The following IMMP2L variants were observed in gnomAD, a reference collection of about 807,000 sequenced individuals.
The protein encoded by IMMP2L is mitochondrial inner membrane protease subunit 2.
In IMMP2L, 18 loss-of-function variants were observed where a neutral mutation model predicts 19.3. The observed-to-expected ratio is 0.93, with a 90% CI of 0.64 to 1.38. The LOEUF is 1.38. Among genes scored for constraint, IMMP2L ranks in the 40% most tolerant of loss-of-function variants. The pLI is 0.00. For missense variants in IMMP2L, 233 were observed against 218.2 expected (o/e 1.07, Z -0.43); for synonymous variants, 76 against 73.0 (o/e 1.04, Z -0.21).
chr7:111,427,890 T>A (rs1359126695), intron 3 of IMMP2L, among the ~76,000 whole-genome samples: 2 of 151,844 alleles, frequency 1.3e-5, no homozygotes, highest in African/African-American at 4.9e-5. Context: ...TCACTGACAT[T>A]TTCTTCCCAT....
At chr7:110,896,081 T>C (rs1389618521) in intron 4 of IMMP2L, among the ~76,000 whole-genome samples, 1 of 152,056 alleles carries the variant, frequency 6.6e-6, no homozygotes, top group African/African-American at 2.4e-5. Flanking sequence ...CTCAGCCTCC[T>C]GATTAGATGA....
At chr7:111,451,927 G>A (rs1236628862) in intron 3 of IMMP2L, among the ~76,000 whole-genome samples, 1 of 152,006 alleles carries the variant, frequency 6.6e-6, no homozygotes, top group Non-Finnish European at 1.5e-5. Context: ...AGATACACAG[G>A]TCATAGGGAA....
At chr7:110,682,846 A>G (rs945874582) in intron 5 of IMMP2L, among the ~76,000 whole-genome samples, 10 of 152,100 alleles carry the variant, frequency 6.6e-5, no homozygotes, top group African/African-American at 2.4e-4. Flanking sequence ...GAAGAAAGCA[A>G]GAGCACTAAG....
chr7:111,042,768 C>T (rs1265177550), intron 3 of IMMP2L, among the ~76,000 whole-genome samples: 3 of 152,164 alleles, frequency 2.0e-5, no homozygotes, highest in Non-Finnish European at 4.4e-5. Context: ...AAGCTTACAA[C>T]TTTCAACCTT....
chr7:111,538,010 G>A (rs1848048914), intron 1 of IMMP2L, among the ~76,000 whole-genome samples: 1 of 151,938 alleles, frequency 6.6e-6, no homozygotes. Context: ...TAGCTTAGAT[G>A]TCACTATCAG....
intron 3 of IMMP2L, among the ~76,000 whole-genome samples, chr7:111,114,545 G>A (rs1300418184): frequency 6.6e-6 from 1 of 151,938 alleles, no homozygotes; most frequent in Non-Finnish European, 1.5e-5. Flanking sequence ...AGACCAGCCT[G>A]GCCAACATGG....
chr7:111,418,908 A>G (rs1181271540), intron 3 of IMMP2L, among the ~76,000 whole-genome samples: 1 of 151,722 alleles, frequency 6.6e-6, no homozygotes, highest in East Asian at 1.9e-4. Flanking sequence ...GTTTTCTTTG[A>G]TTTACAGTTT....
chr7:111,365,915 T>A (rs761168018), intron 3 of IMMP2L, among the ~76,000 whole-genome samples: 1 of 151,854 alleles, frequency 6.6e-6, no homozygotes, highest in Non-Finnish European at 1.5e-5. Context: ...AGTAAAAAAA[T>A]TTTCTAATAA....
chr7:110,902,740 C>T (rs1452725701), intron 4 of IMMP2L, among the ~76,000 whole-genome samples: 6 of 45,944 alleles, frequency 1.3e-4, no homozygotes, highest in Non-Finnish European at 2.3e-4. Flanking sequence ...CCGGCTAAAA[C>T]GGTGAAACCC....
chr7:110,689,653 C>T (rs184034727), intron 5 of IMMP2L, among the ~76,000 whole-genome samples: 2 of 152,164 alleles, frequency 1.3e-5, no homozygotes, highest in Admixed American at 1.3e-4. Context: ...TGAGATCATC[C>T]TCAAACCCCA....
At chr7:111,042,423 C>G (rs1259320387) in intron 3 of IMMP2L, among the ~76,000 whole-genome samples, 2 of 152,154 alleles carry the variant, frequency 1.3e-5, no homozygotes, top group African/African-American at 4.8e-5. Context: ...TCAAGAGATC[C>G]ACCCGCCTCA....
chr7:111,157,592 G>A (rs1434632393), intron 3 of IMMP2L, among the ~76,000 whole-genome samples: 1 of 152,086 alleles, frequency 6.6e-6, no homozygotes, highest in Non-Finnish European at 1.5e-5. Context: ...ATTGGAGAAG[G>A]AGTGGGGATG....
At chr7:110,938,832 G>A (rs982067578) in intron 4 of IMMP2L, among the ~76,000 whole-genome samples, 2 of 152,078 alleles carry the variant, frequency 1.3e-5, no homozygotes, top group African/African-American at 4.8e-5. Context: ...TGAGATAGCA[G>A]GGAGTGAGAT....
chr7:111,124,341 C>T (rs1486625296), intron 3 of IMMP2L: 7 of 1,613,618 alleles, frequency 4.3e-6, no homozygotes, highest in Non-Finnish European at 5.9e-6. Flanking sequence ...ATAACAATGG[C>T]TCTTTGAATA....
intron 5 of IMMP2L, among the ~76,000 whole-genome samples, chr7:110,737,193 C>A (rs1329272444): frequency 6.6e-6 from 1 of 152,154 alleles, no homozygotes; most frequent in Non-Finnish European, 1.5e-5. Context: ...TTTGAAGGAA[C>A]TGGATCACCA....
intron 5 of IMMP2L, among the ~76,000 whole-genome samples, chr7:110,843,121 G>A (rs556086172): frequency 7.2e-5 from 11 of 151,982 alleles, no homozygotes; most frequent in East Asian, 3.9e-4. Flanking sequence ...TAACAACGAC[G>A]ACAAAAAAGA....
Position 111,551,220 on chromosome 7 carries a change from T to C in IMMP2L, c.-3+10631A>G, listed in dbSNP as rs866522323. 7.2e-5 allele frequency among the ~76,000 whole-genome samples: 11 copies of C among 152,154 alleles called. No individual in the cohort carries two copies. The South Asian group carries it at 1.7e-3, about 23-fold the overall frequency. ...CTACATTTTTCAAAGGAAAGATATA[T>C]AAAAGTGTGTGTGACAAAGACCTAT... On this transcript the variant is annotated intron_variant, in intron 1 of 5. Coordinates refer to ENST00000405709, the MANE Select transcript of IMMP2L (RefSeq NM_032549.4).
At chr7:111,150,962 G>C (rs895132075) in intron 3 of IMMP2L, among the ~76,000 whole-genome samples, 3 of 152,152 alleles carry the variant, frequency 2.0e-5, no homozygotes, top group African/African-American at 7.2e-5. Context: ...TATTCCATAG[G>C]AAAAGCTGTT....
intron 3 of IMMP2L, among the ~76,000 whole-genome samples, chr7:111,031,248 T>G (rs1790777425): frequency 6.6e-6 from 1 of 151,966 alleles, no homozygotes; most frequent in South Asian, 2.1e-4. Flanking sequence ...TGCCCAGACC[T>G]TGGTTTCTAA....
Sources: gnomAD v4.1 joint callset for allele counts (sites outside exome capture counted in the v4.1 genomes callset) on GRCh38, gnomAD v4.1.1 for gene constraint, MANE v1.5 for transcripts, NCBI Gene and HGNC (gene_info 2026-07-23, HGNC 2026-07-21) for gene names.